Variants in TMC1 observed in about 807,000 individuals in gnomAD.
TMC1 encodes transmembrane channel-like protein 1.
TMC1 carries 84 observed loss-of-function variants against 105.8 expected under a neutral mutation model. The ratio of observed to expected loss-of-function variants is 0.79; its 90% CI spans 0.67 to 0.95. The LOEUF is 0.95. Among genes scored for constraint, TMC1 ranks in the 40% least tolerant of loss-of-function variants. The pLI, the probability that TMC1 is intolerant of heterozygous loss-of-function variation, is 0.00. For synonymous variants in TMC1, 315 were observed against 311.5 expected (o/e 1.01, Z -0.12); for missense variants, 817 against 914.1 (o/e 0.89, Z 1.37).
chr9:72,642,002 A>G (rs1184770070), intron 4 of TMC1, among the ~76,000 whole-genome samples: 1 of 151,696 alleles, frequency 6.6e-6, no homozygotes, highest in African/African-American at 2.4e-5. Flanking sequence ...TATTTTTAGT[A>G]GAGACAGGGT....
At chr9:72,690,361 C>T (rs1826444457) in intron 6 of TMC1, among the ~76,000 whole-genome samples, 1 of 151,964 alleles carries the variant, frequency 6.6e-6, no homozygotes, top group African/African-American at 2.4e-5. Context: ...TAAAAGTTAC[C>T]AATATACTGT....
At chr9:72,799,583 A>T (rs935680042) in intron 17 of TMC1, among the ~76,000 whole-genome samples, 1 of 152,118 alleles carries the variant, frequency 6.6e-6, no homozygotes, top group African/African-American at 2.4e-5. Flanking sequence ...CGGGAACCAG[A>T]TAAATCCCCC....
chr9:72,794,954 A>C (rs1828337483), intron 17 of TMC1, among the ~76,000 whole-genome samples: 1 of 152,240 alleles, frequency 6.6e-6, no homozygotes, highest in Non-Finnish European at 1.5e-5. Flanking sequence ...ATAAGGCTGA[A>C]TAACACAATA....
chr9:72,748,152 T>C (rs112668649), intron 10 of TMC1, among the ~76,000 whole-genome samples: 136 of 152,330 alleles, frequency 8.9e-4, no homozygotes, highest in African/African-American at 3.2e-3. Context: ...AAGAGAGATC[T>C]AGATTTGGAG....
intron 8 of TMC1, among the ~76,000 whole-genome samples, chr9:72,720,900 C>G (rs946082356): frequency 6.6e-6 from 1 of 152,172 alleles, no homozygotes; most frequent in Non-Finnish European, 1.5e-5. Context: ...CTGTAGTGAA[C>G]ACATCAAACA....
At chr9:72,688,681 T>C in intron 5 of TMC1, 28 bp from the exon 6 acceptor site, 1 of 1,587,328 alleles carries the variant, frequency 6.3e-7, no homozygotes. Flanking sequence ...ATTTAAATAA[T>C]TGCTGTACTG....
At chr9:72,593,580 C>T (rs1000384045) in intron 2 of TMC1, among the ~76,000 whole-genome samples, 2 of 151,308 alleles carry the variant, frequency 1.3e-5, no homozygotes, top group African/African-American at 2.4e-5. Context: ...TTAGTAGAGA[C>T]GTGGTTTCTC....
At chr9:72,640,600 G>T (rs1269953902) in intron 4 of TMC1, among the ~76,000 whole-genome samples, 1 of 151,502 alleles carries the variant, frequency 6.6e-6, no homozygotes, top group African/African-American at 2.4e-5. Flanking sequence ...TCTCAAAATG[G>T]TTTTTACTTG....
At chr9:72,634,158 C>CA (rs1825494784) in intron 4 of TMC1, among the ~76,000 whole-genome samples, 1 of 152,078 alleles carries the variant, frequency 6.6e-6, no homozygotes, top group Admixed American at 6.6e-5. Context: ...ACTGTCTTCG[C>CA]ATGCTGAGTC....
At chr9:72,713,577 T>C (rs1018122828) in intron 8 of TMC1, among the ~76,000 whole-genome samples, 4 of 152,202 alleles carry the variant, frequency 2.6e-5, no homozygotes, top group Non-Finnish European at 5.9e-5. Context: ...TTTATAGTAT[T>C]CTCTGATGGT....
At chr9:72,735,707 A>G (rs920984704) in intron 8 of TMC1, among the ~76,000 whole-genome samples, 2 of 152,204 alleles carry the variant, frequency 1.3e-5, no homozygotes, top group African/African-American at 4.8e-5. Flanking sequence ...GTATTAAGGC[A>G]TGCCCTCTCC....
At chr9:72,763,770 A>G (rs991610629) in intron 12 of TMC1, among the ~76,000 whole-genome samples, 2 of 150,278 alleles carry the variant, frequency 1.3e-5, no homozygotes, top group African/African-American at 4.9e-5. Context: ...TCTAAAATCT[A>G]GACTGCACTA....
intron 2 of TMC1, among the ~76,000 whole-genome samples, chr9:72,592,722 G>C (rs1312687366): frequency 1.3e-5 from 2 of 152,186 alleles, no homozygotes; most frequent in Admixed American, 6.5e-5. Context: ...ACATCCCTAG[G>C]TATCAGATGC....
chr9:72,761,243 G>C (rs1227982930), intron 12 of TMC1, among the ~76,000 whole-genome samples: 2 of 152,124 alleles, frequency 1.3e-5, no homozygotes, highest in African/African-American at 4.8e-5. Context: ...AAGATACCTG[G>C]AGAGACAAGG....
intron 2 of TMC1, among the ~76,000 whole-genome samples, chr9:72,607,168 TTGTC>T (rs1295260069): frequency 6.6e-6 from 1 of 152,106 alleles, no homozygotes; most frequent in Non-Finnish European, 1.5e-5. Flanking sequence ...TCCCTAAACA[TTGTC>T]TGTAAGGAAT....
intron 1 of TMC1, among the ~76,000 whole-genome samples, chr9:72,557,271 C>G (rs1823957954): frequency 6.6e-6 from 1 of 151,988 alleles, no homozygotes; most frequent in Admixed American, 6.6e-5. Flanking sequence ...TTCAGAAGGC[C>G]AAGGCAGGAG....
chr9:72,563,190 G>C (rs960865007), intron 1 of TMC1, among the ~76,000 whole-genome samples: 2 of 152,164 alleles, frequency 1.3e-5, no homozygotes, highest in African/African-American at 2.4e-5. Flanking sequence ...GGTTTTGGTG[G>C]TGGATGGAGA....
At chr9:72,582,012 C>T (rs1443231540) in intron 2 of TMC1, among the ~76,000 whole-genome samples, 4 of 151,762 alleles carry the variant, frequency 2.6e-5, no homozygotes, top group African/African-American at 9.7e-5. Flanking sequence ...GGATGAAGTG[C>T]AATGGCGCGA....
chr9:72,551,979 G>T (rs1383372664), intron 1 of TMC1, among the ~76,000 whole-genome samples: 2 of 152,114 alleles, frequency 1.3e-5, no homozygotes, highest in African/African-American at 4.8e-5. Context: ...AGAGAGTATG[G>T]CCCTGCTGAC....
Sources: gnomAD v4.1 joint callset for allele counts (sites outside exome capture counted in the v4.1 genomes callset) on GRCh38, gnomAD v4.1.1 for gene constraint, MANE v1.5 for transcripts, NCBI Gene and HGNC (gene_info 2026-07-23, HGNC 2026-07-21) for gene names.